DOCK3: variants seen among roughly 807,000 people sequenced by gnomAD.
DOCK3 encodes the protein dedicator of cytokinesis protein 3.
Under a neutral mutation model 265.6 loss-of-function variants are expected in DOCK3, and 60 were observed. That is an observed-to-expected ratio of 0.23 (90% CI 0.18 to 0.28). The LOEUF is 0.28. Among genes scored for constraint, DOCK3 ranks in the 10% least tolerant of loss-of-function variants. DOCK3 has a pLI of 1.00. For synonymous variants in DOCK3, 881 were observed against 938.0 expected, an observed-to-expected ratio of 0.94 and a Z score of 1.11; for missense variants, 1,981 against 2,594.3, an observed-to-expected ratio of 0.76 and a Z score of 5.14.
intron 27 of DOCK3, among the ~76,000 whole-genome samples, chr3:51,307,428 T>C (rs2082744852): frequency 6.6e-6 from 1 of 152,240 alleles, no homozygotes; most frequent in African/African-American, 2.4e-5. Context: ...CATTCTTTAA[T>C]ATCTGTATTT....
At chr3:51,276,554 C>T (rs939404780) in intron 25 of DOCK3, 11 of 504,036 alleles carry the variant, frequency 2.2e-5, no homozygotes, top group Non-Finnish European at 2.6e-5. Context: ...ATGATCAGTT[C>T]GACAGATAGG....
intron 1 of DOCK3, among the ~76,000 whole-genome samples, chr3:50,734,666 G>T (rs1443030815): frequency 1.4e-5 from 2 of 147,194 alleles, no homozygotes; most frequent in Non-Finnish European, 3.0e-5. Context: ...GCAGTGGTGT[G>T]ATCTCGGCTC....
At position 51,326,284 on chromosome 3, in the gene DOCK3, G is replaced by A. The variant is rs1237674269; in HGVS notation, c.3403-3854G>A. ...TTTTAATTTTTTTTTTTTTTGAGAC[G>A]GAGTCTCGCTCTGTCACCCAGGCTG... On this transcript the variant is annotated intron_variant, in intron 32 of 52. Transcript: ENST00000266037. 2.0e-4 allele frequency among the ~76,000 whole-genome samples: 30 copies of A among 149,968 alleles called. 1 individual carries two copies. Among genetic ancestry groups the A allele is most frequent in the Admixed American group, 1.4e-3 (21 of 15,088 alleles).
chr3:51,313,178 G>C (rs1448613658), intron 31 of DOCK3, among the ~76,000 whole-genome samples: 2 of 152,210 alleles, frequency 1.3e-5, no homozygotes, highest in African/African-American at 4.8e-5. Context: ...AAGGAGGGCT[G>C]TAGTAGTTTT....
At chr3:51,203,340 G>A (rs531245670) in intron 12 of DOCK3, among the ~76,000 whole-genome samples, 14 of 152,174 alleles carry the variant, frequency 9.2e-5, no homozygotes, top group Non-Finnish European at 1.6e-4. Context: ...CAAAATCAAT[G>A]TACAGAAATC....
chr3:51,048,835 C>A (rs2080874780), intron 5 of DOCK3, among the ~76,000 whole-genome samples: 1 of 151,844 alleles, frequency 6.6e-6, no homozygotes, highest in South Asian at 2.1e-4. Flanking sequence ...TGCACTCCAG[C>A]CTGAGCGACA....
At chr3:50,706,201 G>T (rs1327431984) in intron 1 of DOCK3, among the ~76,000 whole-genome samples, 1 of 152,060 alleles carries the variant, frequency 6.6e-6, no homozygotes. Context: ...TAAACTACCC[G>T]ATCTCAGGGA....
intron 12 of DOCK3, among the ~76,000 whole-genome samples, chr3:51,183,052 A>G (rs1393479926): frequency 1.3e-5 from 2 of 152,192 alleles, no homozygotes; most frequent in Non-Finnish European, 2.9e-5. Flanking sequence ...CCAGGTTCAT[A>G]AGGCATGAAC....
intron 4 of DOCK3, among the ~76,000 whole-genome samples, chr3:50,898,782 T>G (rs2049028006): frequency 6.6e-6 from 1 of 152,212 alleles, no homozygotes; most frequent in Admixed American, 6.5e-5. Flanking sequence ...CATGTAGTTG[T>G]GCAGTTTTGA....
chr3:50,680,558 A>T (rs1576064015), intron 1 of DOCK3, among the ~76,000 whole-genome samples: 1 of 121,602 alleles, frequency 8.2e-6, no homozygotes. Context: ...TTGCTATGTC[A>T]CCCAGGCTTG....
At chr3:50,937,548 C>G (rs1171977744) in intron 5 of DOCK3, among the ~76,000 whole-genome samples, 1 of 151,444 alleles carries the variant, frequency 6.6e-6, no homozygotes, top group Non-Finnish European at 1.5e-5. Flanking sequence ...CCAAGCTACT[C>G]GAGAGGCTGA....
At chr3:51,082,691 G>A (rs989100082) in intron 7 of DOCK3, among the ~76,000 whole-genome samples, 2 of 152,150 alleles carry the variant, frequency 1.3e-5, no homozygotes, top group African/African-American at 4.8e-5. Context: ...GGGCACATAA[G>A]TGCATAGTCC....
At chr3:50,828,830 C>T (rs958837568) in intron 2 of DOCK3, among the ~76,000 whole-genome samples, 8 of 152,180 alleles carry the variant, frequency 5.3e-5, no homozygotes, top group Non-Finnish European at 1.0e-4. Flanking sequence ...TCTCCTGCCT[C>T]AGCCTCCTGA....
chr3:51,119,314 C>T (rs1054060526), intron 9 of DOCK3, among the ~76,000 whole-genome samples: 5 of 152,128 alleles, frequency 3.3e-5, no homozygotes, highest in African/African-American at 7.2e-5. Context: ...CTGGCTTATA[C>T]GGTTTCTACA....
chr3:51,089,097 G>T, intron 7 of DOCK3, 146 bp from the exon 8 acceptor site: 1 of 883,980 alleles, frequency 1.1e-6, no homozygotes, highest in Non-Finnish European at 1.7e-6. Context: ...CACCAAATAC[G>T]AATAACACTT....
chr3:50,788,551 C>T (rs2042300335), intron 2 of DOCK3, among the ~76,000 whole-genome samples: 1 of 152,232 alleles, frequency 6.6e-6, no homozygotes, highest in Non-Finnish European at 1.5e-5. Flanking sequence ...GGCCAGCCAC[C>T]TCCACCGCCT....
At chr3:51,141,960 A>G (rs1302218382) in intron 9 of DOCK3, among the ~76,000 whole-genome samples, 2 of 150,030 alleles carry the variant, frequency 1.3e-5, no homozygotes, top group Non-Finnish European at 3.0e-5. Context: ...TTATTTTTGG[A>G]AGTGGTTTTT....
chr3:50,901,780 G>C (rs1171430154), intron 4 of DOCK3: 3 of 430,086 alleles, frequency 7.0e-6, no homozygotes, highest in South Asian at 3.4e-5. Flanking sequence ...CCCTGCTTCA[G>C]CTCTCCCTCT....
intron 3 of DOCK3, among the ~76,000 whole-genome samples, chr3:50,879,866 A>G (rs1220663848): frequency 1.3e-5 from 2 of 152,194 alleles, no homozygotes; most frequent in African/African-American, 4.8e-5. Context: ...TCCAAAATCA[A>G]CAACATAGTT....
Sources: gnomAD v4.1 joint callset for allele counts (sites outside exome capture counted in the v4.1 genomes callset) on GRCh38, gnomAD v4.1.1 for gene constraint, MANE v1.5 for transcripts, NCBI Gene and HGNC (gene_info 2026-07-23, HGNC 2026-07-21) for gene names.